The following DACH1 variants were observed in gnomAD, a reference collection of about 807,000 sequenced individuals.
DACH1 encodes dachshund family transcription factor 1.
In DACH1, 12 loss-of-function variants were observed where a neutral mutation model predicts 54.2. The ratio of observed to expected loss-of-function variants is 0.22; its 90% CI spans 0.14 to 0.36. The LOEUF (loss-of-function observed/expected upper bound fraction) is 0.36, where lower values mean the gene tolerates loss of function less well. Among genes scored for constraint, DACH1 ranks in the 10% least tolerant of loss-of-function variants. The probability of loss-of-function intolerance (pLI) is 1.00; values close to 1 mark genes in which losing one functional copy is unlikely to be tolerated. For synonymous variants in DACH1, 386 were observed against 366.2 expected (o/e 1.05, Z -0.62); for missense variants, 805 against 929.8 (o/e 0.87, Z 1.75).
chr13:71,631,297 A>G (rs529237553), intron 2 of DACH1, among the ~76,000 whole-genome samples: 2 of 152,198 alleles, frequency 1.3e-5, no homozygotes, highest in South Asian at 4.1e-4. Context: ...GAAAAAAGCT[A>G]CTCATTAGAA....
At chr13:71,530,706 G>A (rs557836804) in intron 6 of DACH1, among the ~76,000 whole-genome samples, 2 of 151,986 alleles carry the variant, frequency 1.3e-5, no homozygotes, top group Admixed American at 1.3e-4. Context: ...TACATTTGCC[G>A]ATCATCTTGT....
intron 2 of DACH1, among the ~76,000 whole-genome samples, chr13:71,639,168 G>A (rs927635869): frequency 1.3e-5 from 2 of 152,020 alleles, no homozygotes; most frequent in African/African-American, 4.8e-5. Flanking sequence ...CCAGCTGTCA[G>A]AAACTGACAC....
rs1019771970 is a variant in DACH1, at chr13:71,657,231, T to C, written c.964+24564A>G. 5.3e-5 allele frequency among the ~76,000 whole-genome samples: 8 copies of C among 151,948 alleles called. No homozygotes were observed. The East Asian group carries it at 1.4e-3, about 26-fold the overall frequency. ...ATAAAATGTCTCCTAGTATGGTGCA[T>C]TGTACATGGTTGACATTCAAAAATG... On this transcript the variant is annotated intron_variant, in intron 2 of 10. Coordinates refer to ENST00000613252, the MANE Select transcript of DACH1 (RefSeq NM_080759.6).
At chr13:71,800,502 TA>T (rs1179241611) in intron 1 of DACH1, among the ~76,000 whole-genome samples, 1 of 152,094 alleles carries the variant, frequency 6.6e-6, no homozygotes, top group East Asian at 1.9e-4. Context: ...AGTGTAGTGA[TA>T]ACATTTGCTC....
intron 6 of DACH1, among the ~76,000 whole-genome samples, chr13:71,530,061 C>T (rs1882310376): frequency 6.6e-6 from 1 of 151,978 alleles, no homozygotes; most frequent in Non-Finnish European, 1.5e-5. Context: ...ACCTTTCATG[C>T]CATATGAAAT....
At chr13:71,548,903 C>A (rs1234408711) in intron 6 of DACH1, among the ~76,000 whole-genome samples, 1 of 151,674 alleles carries the variant, frequency 6.6e-6, no homozygotes, top group African/African-American at 2.4e-5. Flanking sequence ...GGCAACAGAG[C>A]AAGACTCTGT....
chr13:71,559,897 C>T lies in DACH1; in HGVS notation c.1358G>A (p.Gly453Asp). ...GCTGCGATGTGATGATGGGTGACTGCCAGGCCTTCTCCCCTCCTCCAGAGA... is the reference window on the plus strand; with the variant it reads ...GCTGCGATGTGATGATGGGTGACTGTCAGGCCTTCTCCCCTCCTCCAGAGA... Reference protein sequence around the residue: ...APSLEEGRRPGSHPSSHRSSS... With the variant: ...APSLEEGRRPDSHPSSHRSSS... Residue 453 changes from glycine (G) to aspartate (D), a missense_variant, in exon 5 of 11, where the codon GGC (glycine) becomes GAC (aspartate). Physicochemically the swap from Gly to Asp is moderately conservative, Grantham distance 94 (BLOSUM62 -1). Transcript: ENST00000613252. The T allele has an allele frequency of 6.2e-7, 1 of 1,610,082 alleles. No individual in the cohort carries two copies. Among genetic ancestry groups the T allele is most frequent in the Non-Finnish European group, 8.5e-7 (1 of 1,178,218 alleles).
Position 71,614,899 on chromosome 13 carries a change from C to T in DACH1, c.1126+15657G>A, listed in dbSNP as rs1875645298. Among the ~76,000 whole-genome samples, 5 of 146,780 alleles carry T rather than the reference C, an allele frequency of 3.4e-5. No individual in the cohort carries two copies. The South Asian group carries it at 1.1e-3, about 31-fold the overall frequency. ...GCCACAAATGTAACAAAATCCTCTCCAAATACAAGAAATCATTTGAATCTA... is the reference window on the plus strand; with the variant it reads ...GCCACAAATGTAACAAAATCCTCTCTAAATACAAGAAATCATTTGAATCTA... On this transcript the variant is annotated intron_variant, in intron 3 of 10. Transcript: ENST00000613252.
chr13:71,780,062 A>G (rs1886307634), intron 1 of DACH1, among the ~76,000 whole-genome samples: 1 of 152,212 alleles, frequency 6.6e-6, no homozygotes, highest in African/African-American at 2.4e-5. Context: ...GATATTATAT[A>G]TAAAAAGGCT....
rs145754560 is a variant in DACH1 at position 71,804,180 on chromosome 13, G to A, written c.848+61742C>T. ...CAATAAATTTAAAACGTAGCTGGCCGTGGTGGCATGCACTTGTAGGTACTT... is the reference window on the plus strand; with the variant it reads ...CAATAAATTTAAAACGTAGCTGGCCATGGTGGCATGCACTTGTAGGTACTT... On this transcript the variant is annotated intron_variant, in intron 1 of 10. Coordinates refer to ENST00000613252, the MANE Select transcript of DACH1 (RefSeq NM_080759.6). Among the ~76,000 whole-genome samples the A allele has an allele frequency of 3.9e-4, 60 of 152,162 alleles. No homozygotes were observed. The South Asian group carries it at 5.4e-3, about 14-fold the overall frequency.
chr13:71,705,098 T>A (rs1882367594), intron 1 of DACH1, among the ~76,000 whole-genome samples: 1 of 152,188 alleles, frequency 6.6e-6, no homozygotes, highest in Non-Finnish European at 1.5e-5. Flanking sequence ...AGCACATATA[T>A]AAAGAGTGAT....
chr13:71,725,645 C>T (rs1469987205), intron 1 of DACH1, among the ~76,000 whole-genome samples: 34 of 151,950 alleles, frequency 2.2e-4, no homozygotes, highest in Admixed American at 2.2e-3. Flanking sequence ...TTTACATAAA[C>T]ACATTAAAAA....
chr13:71,501,966 ACAG>A (rs1034501133), intron 6 of DACH1, among the ~76,000 whole-genome samples: 1 of 152,176 alleles, frequency 6.6e-6, no homozygotes, highest in Non-Finnish European at 1.5e-5. Flanking sequence ...ACTAGGAAAG[ACAG>A]CAGCCTGAAT....
intron 1 of DACH1, among the ~76,000 whole-genome samples, chr13:71,763,541 T>TC (rs969988223): frequency 3.3e-5 from 5 of 151,872 alleles, no homozygotes; most frequent in Admixed American, 6.6e-5. Flanking sequence ...CCTGATTTTT[T>TC]TTTTTGAGAT....
chr13:71,603,462 C>G (rs1392573532), intron 3 of DACH1, among the ~76,000 whole-genome samples: 2 of 152,006 alleles, frequency 1.3e-5, no homozygotes, highest in Non-Finnish European at 2.9e-5. Context: ...AAACCTCCCT[C>G]CTGGTGAGTG....
At position 71,451,216 on chromosome 13, in the gene DACH1, C is replaced by T. The variant is rs148168849; in HGVS notation, c.2084-10524G>A. Among the ~76,000 whole-genome samples the T allele has an allele frequency of 1.6e-3, 248 of 152,214 alleles. 2 individuals carry two copies. The highest frequency in any genetic ancestry group is 5.6e-3 in the African/African-American group (234 of 41,550). On this transcript the variant is annotated intron_variant, in intron 10 of 10. Transcript: ENST00000613252. ...AGTTGGGATCCCATATATTGCATTG[C>T]TAAAACCTAAATGTTGTTCCTGTCC... is the stretch of plus-strand genomic sequence containing the variant.
At chr13:71,733,318 T>G (rs1280502400) in intron 1 of DACH1, among the ~76,000 whole-genome samples, 4 of 152,026 alleles carry the variant, frequency 2.6e-5, no homozygotes, top group Admixed American at 2.6e-4. Context: ...TGCGCCACTA[T>G]GCCTGGCCAA....
At chr13:71,816,519 G>T (rs1887925991) in intron 1 of DACH1, among the ~76,000 whole-genome samples, 1 of 149,620 alleles carries the variant, frequency 6.7e-6, no homozygotes, top group Admixed American at 6.7e-5. Flanking sequence ...GTCCATCAAT[G>T]ATATACTAGA....
chr13:71,729,565 A>G (rs865967392), intron 1 of DACH1, among the ~76,000 whole-genome samples: 21 of 152,228 alleles, frequency 1.4e-4, no homozygotes, highest in Middle Eastern at 3.4e-3. Flanking sequence ...ACTGCTATGT[A>G]TGTTACATCC....
Sources: allele counts gnomAD v4.1 joint callset (sites outside exome capture counted in the v4.1 genomes callset), GRCh38; gene constraint gnomAD v4.1.1; transcripts MANE v1.5; gene names NCBI Gene and HGNC (gene_info 2026-07-23, HGNC 2026-07-21).